Variants in HTR2A observed in about 807,000 individuals in gnomAD.
The protein encoded by HTR2A is 5-HT2 receptor.
HTR2A carries 14 observed loss-of-function variants against 31.0 expected under a neutral mutation model. The ratio of observed to expected loss-of-function variants is 0.45; its 90% CI spans 0.30 to 0.71. HTR2A has a LOEUF of 0.71. Ranked by LOEUF, HTR2A falls within the 30% of genes least tolerant of loss-of-function variation. The pLI, the probability that HTR2A is intolerant of heterozygous loss-of-function variation, is 0.09. For missense variants in HTR2A, 442 were observed against 573.3 expected (o/e 0.77, Z 2.34); for synonymous variants, 209 against 225.2 (o/e 0.93, Z 0.64).
intron 3 of HTR2A, among the ~76,000 whole-genome samples, chr13:46,868,239 C>T (rs1950834405): frequency 6.6e-6 from 1 of 152,156 alleles, no homozygotes; most frequent in African/African-American, 2.4e-5. Flanking sequence ...GCAAAGCTGC[C>T]AGAGCTGGGT....
intron 3 of HTR2A, among the ~76,000 whole-genome samples, chr13:46,879,348 T>C (rs1950942252): frequency 2.0e-5 from 3 of 152,196 alleles, no homozygotes; most frequent in East Asian, 1.9e-4. Flanking sequence ...GAAATAGAAA[T>C]AGTCTTTCGG....
At chr13:46,889,825 TGA>T (rs1163464641) in intron 3 of HTR2A, among the ~76,000 whole-genome samples, 1 of 152,262 alleles carries the variant, frequency 6.6e-6, no homozygotes, top group Non-Finnish European at 1.5e-5. Flanking sequence ...ATATTTGTGC[TGA>T]GTCTCTGTAG....
chr13:46,839,250 G>A (rs538353277), intron 3 of HTR2A, among the ~76,000 whole-genome samples: 14 of 152,172 alleles, frequency 9.2e-5, no homozygotes, highest in African/African-American at 2.6e-4. Context: ...GAATACTATC[G>A]TATACCATTC....
chr13:46,892,615 G>C, intron 2 of HTR2A, 25 bp from the exon 3 acceptor site: 5 of 1,606,722 alleles, frequency 3.1e-6, no homozygotes, highest in Non-Finnish European at 4.3e-6. Context: ...GTTGGTGTCA[G>C]TGAGCAACCC....
At chr13:46,856,668 T>C (rs550494269) in intron 3 of HTR2A, among the ~76,000 whole-genome samples, 2 of 152,314 alleles carry the variant, frequency 1.3e-5, no homozygotes, top group Admixed American at 6.5e-5. Flanking sequence ...CTCTTATGTA[T>C]GTACTTCTAT....
intron 3 of HTR2A, among the ~76,000 whole-genome samples, chr13:46,846,500 A>G (rs1490802636): frequency 1.3e-5 from 2 of 152,214 alleles, no homozygotes; most frequent in Non-Finnish European, 2.9e-5. Flanking sequence ...CACTTTGCAC[A>G]TAGGTCTCTG....
At position 46,835,075 on chromosome 13, in the gene HTR2A, C is replaced by T. The variant is rs754511156; in HGVS notation, c.1178G>A (p.Arg393Gln). 8.1e-6 allele frequency: 13 copies of T among 1,613,838 alleles called. No individual in the cohort carries two copies. The African/African-American group carries it at 9.4e-5, about 12-fold the overall frequency. Residue 393 changes from arginine (R) to glutamine (Q), a missense_variant, in exon 4 of 4, where the codon CGG (arginine) becomes CAG (glutamine). This residue lies in a region of HTR2A where 11 missense variants were observed against 31.3 expected (regional missense o/e 0.35). Transcript: ENST00000542664. ...FNKTYRSAFS[R>Q]YIQCQYKENK... ...TTCCTTGTACTGACACTGAATATAC[C>T]GTGAAAAGGCTGACCTATAGGTCTT...
At chr13:46,886,461 A>G (rs1951006947) in intron 3 of HTR2A, among the ~76,000 whole-genome samples, 3 of 151,638 alleles carry the variant, frequency 2.0e-5, no homozygotes, top group Non-Finnish European at 1.5e-5. Flanking sequence ...AAAGGCAAAG[A>G]CTAACAGATT....
chr13:46,860,912 G>C (rs573019305), intron 3 of HTR2A, among the ~76,000 whole-genome samples: 1 of 152,280 alleles, frequency 6.6e-6, no homozygotes, highest in South Asian at 2.1e-4. Context: ...GTAATGAAAA[G>C]CACAGGGAGC....
At chr13:46,871,008 T>C (rs1950860302) in intron 3 of HTR2A, among the ~76,000 whole-genome samples, 1 of 152,222 alleles carries the variant, frequency 6.6e-6, no homozygotes, top group African/African-American at 2.4e-5. Flanking sequence ...CAAGCTTGCC[T>C]GTCTTAATAC....
upstream of HTR2A, among the ~76,000 whole-genome samples, chr13:46,897,619 G>A (rs1416124966): frequency 6.6e-6 from 1 of 152,146 alleles, no homozygotes; most frequent in Non-Finnish European, 1.5e-5. Context: ...TGCCTTACTT[G>A]TAAAGAAAGC....
chr13:46,847,199 G>C (rs1566302406), intron 3 of HTR2A, among the ~76,000 whole-genome samples: 1 of 152,234 alleles, frequency 6.6e-6, no homozygotes, highest in Admixed American at 6.5e-5. Context: ...ATTTGTAGCT[G>C]CTGTAATTGG....
intron 3 of HTR2A, among the ~76,000 whole-genome samples, chr13:46,846,016 C>T (rs1198272882): frequency 6.6e-6 from 1 of 152,138 alleles, no homozygotes; most frequent in Non-Finnish European, 1.5e-5. Flanking sequence ...ACACTCTGTA[C>T]AGATTTGTAG....
At chr13:46,867,039 G>A (rs1311599936) in intron 3 of HTR2A, among the ~76,000 whole-genome samples, 2 of 152,126 alleles carry the variant, frequency 1.3e-5, no homozygotes, top group Non-Finnish European at 2.9e-5. Context: ...AAAGTGATAA[G>A]TGAGGGAGAT....
chr13:46,844,838 C>A (rs1260359875), intron 3 of HTR2A, among the ~76,000 whole-genome samples: 1 of 152,072 alleles, frequency 6.6e-6, no homozygotes, highest in Non-Finnish European at 1.5e-5. Flanking sequence ...TATAAAGAGG[C>A]CTCCTCTAAT....
At chr13:46,845,653 AAAAAAAAG>A (rs1311835389) in intron 3 of HTR2A, among the ~76,000 whole-genome samples, 59 of 151,506 alleles carry the variant, frequency 3.9e-4, no homozygotes, top group African/African-American at 1.4e-3. Flanking sequence ...CAAAAAAAAA[AAAAAAAAG>A]AAAAAAAGAC....
chr13:46,837,733 C>T (rs1466468060), intron 3 of HTR2A, among the ~76,000 whole-genome samples: 4 of 152,230 alleles, frequency 2.6e-5, no homozygotes, highest in African/African-American at 9.6e-5. Flanking sequence ...GCATGACTGT[C>T]CTAACCTCAT....
At chr13:46,859,840 G>A (rs1214329412) in intron 3 of HTR2A, among the ~76,000 whole-genome samples, 2 of 152,170 alleles carry the variant, frequency 1.3e-5, no homozygotes, top group Non-Finnish European at 2.9e-5. Flanking sequence ...GGTAAAGATT[G>A]TGCCTGCTTC....
intron 3 of HTR2A, among the ~76,000 whole-genome samples, chr13:46,878,665 G>A (rs765307501): frequency 6.6e-6 from 1 of 152,204 alleles, no homozygotes; most frequent in Non-Finnish European, 1.5e-5. Context: ...AGAGGAAGAA[G>A]ATCTAGGGAG....
Sources: gnomAD v4.1 joint callset for allele counts (sites outside exome capture counted in the v4.1 genomes callset) on GRCh38, gnomAD v4.1.1 for gene constraint, gnomAD v4.1.1 regional missense constraint, MANE v1.5 for transcripts, NCBI Gene and HGNC (gene_info 2026-07-23, HGNC 2026-07-21) for gene names.